CEMIP2: variants seen among roughly 807,000 people sequenced by gnomAD.
CEMIP2 encodes the protein cell surface hyaluronidase CEMIP2.
In CEMIP2, 79 loss-of-function variants were observed where a neutral mutation model predicts 146.9. That is an observed-to-expected ratio of 0.54 (90% CI 0.45 to 0.65). The LOEUF (loss-of-function observed/expected upper bound fraction) is 0.65, where lower values mean the gene tolerates loss of function less well. CEMIP2 is among the 30% of genes least tolerant of loss of function. CEMIP2 has a pLI of 0.00. For missense variants in CEMIP2, 1,596 were observed against 1,696.2 expected, an observed-to-expected ratio of 0.94 and a Z score of 1.04; for synonymous variants, 601 against 606.3, an observed-to-expected ratio of 0.99 and a Z score of 0.13.
chr9:71,698,612 T>C (rs1267483869), intron 19 of CEMIP2, among the ~76,000 whole-genome samples: 1 of 152,116 alleles, frequency 6.6e-6, no homozygotes, highest in Non-Finnish European at 1.5e-5. Context: ...TCATTTTGGT[T>C]AAGGCATAAA....
At chr9:71,699,061 C>T (rs1228690248) in intron 19 of CEMIP2, 3 of 152,812 alleles carry the variant, frequency 2.0e-5, no homozygotes, top group South Asian at 2.0e-4. Context: ...AGGCAAAACC[C>T]GCAATTCGCA....
At chr9:71,725,037 C>CGTTGCACATACCTGTATGT (rs371730062) in intron 11 of CEMIP2, among the ~76,000 whole-genome samples, 8,290 of 152,136 alleles carry the variant, frequency 0.054, 330 homozygotes, top group Non-Finnish European at 0.078. Context: ...TACCTGTATG[C>CGTTGCACATACCTGTATGT]GCAATAGGTA....
intron 16 of CEMIP2, among the ~76,000 whole-genome samples, chr9:71,711,590 CAAAGAAAAAAAAAAAGA>C (rs1251706474): frequency 3.5e-5 from 5 of 142,738 alleles, no homozygotes; most frequent in African/African-American, 1.3e-4. Context: ...GACCCTGCCT[CAAAGAAAAAAAAAAAGA>C]AAAGAAAAAA....
intron 21 of CEMIP2, among the ~76,000 whole-genome samples, chr9:71,693,923 G>A (rs1450030250): frequency 7.2e-5 from 11 of 152,144 alleles, no homozygotes; most frequent in Admixed American, 7.2e-4. Context: ...CCATGAATGG[G>A]ATCAGTGCTG....
chr9:71,700,946 T>G (rs1822541957), intron 18 of CEMIP2, 122 bp from the exon 19 acceptor site: 1 of 903,672 alleles, frequency 1.1e-6, no homozygotes. Context: ...CATAGTTTTC[T>G]CCTCCTTAAA....
At chr9:71,750,510 C>T (rs1007902817) in intron 1 of CEMIP2, 125 bp from the exon 2 acceptor site, 15 of 694,406 alleles carry the variant, frequency 2.2e-5, no homozygotes, top group East Asian at 5.9e-5. Context: ...GGCATGATCT[C>T]GGCTCACCGC....
rs1338012962 is a variant in CEMIP2 at position 71,730,057 on chromosome 9, G to A, written c.1970C>T (p.Thr657Ile). The change falls in exon 9 of 24, where the codon ACT (threonine) becomes ATT (isoleucine). Residue 657 changes from threonine (T) to isoleucine (I), a missense_variant. Transcript: ENST00000377044. Reference protein sequence around the residue: ...VFGNYIPVPATDCMAVSTFWI... With the variant: ...VFGNYIPVPAIDCMAVSTFWI... ...TCCGCCAATTACTCACATACAGTCA[G>A]TAGCAGGCACAGGAATGTAATTTCC... 1 of 1,614,166 alleles carries A rather than the reference G, an allele frequency of 6.2e-7. No homozygotes were observed. Among genetic ancestry groups the A allele is most frequent in the Non-Finnish European group, 8.5e-7 (1 of 1,180,040 alleles).
rs559238628 is a variant in CEMIP2 at position 71,765,161 on chromosome 9, T to G, written c.-13+3196A>C. Among the ~76,000 whole-genome samples the G allele has an allele frequency of 2.6e-5, 4 of 152,264 alleles. No homozygotes were observed. The East Asian group carries it at 7.7e-4, about 29-fold the overall frequency. ...GCCTGGACAAGAGAGCAATACCATA[T>G]GACAGTAACTAGCTTAAAAGTCTAA... is the stretch of plus-strand genomic sequence containing the variant. On this transcript the variant is annotated intron_variant, in intron 1 of 23. Transcript: ENST00000377044.
In CEMIP2 at chr9:71,694,492, C is replaced by T; in HGVS notation, c.3696+17G>A. On this transcript the variant is annotated intron_variant, in intron 21 of 23. Coordinates refer to ENST00000377044, the MANE Select transcript of CEMIP2 (RefSeq NM_013390.3). The stretch of plus-strand genomic sequence containing the variant: ...TACCACCTAGAACAGACTAAGACAA[C>T]ACCAGATGGTACTTACAGAAATAAC... 1 of 1,591,988 alleles carries T rather than the reference C, an allele frequency of 6.3e-7. No individual in the cohort carries two copies. Among genetic ancestry groups the T allele is most frequent in the South Asian group, 1.1e-5 (1 of 90,432 alleles).
At chr9:71,739,957 T>A (rs1823866752) in intron 5 of CEMIP2, 106 bp downstream of exon 5, 27 of 1,090,566 alleles carry the variant, frequency 2.5e-5, no homozygotes, top group Non-Finnish European at 3.2e-5. Context: ...AGTTGAGAAA[T>A]CTAACCAGGC....
intron 4 of CEMIP2, among the ~76,000 whole-genome samples, chr9:71,743,336 G>T (rs1280326226): frequency 6.6e-6 from 1 of 152,140 alleles, no homozygotes; most frequent in African/African-American, 2.4e-5. Flanking sequence ...TCTTGACCTG[G>T]GTGGTGGCTA....
At position 71,730,132 on chromosome 9, in the gene CEMIP2, G is replaced by C; in HGVS notation, c.1895C>G (p.Pro632Arg). The change falls in exon 9 of 24, where the codon CCC (proline) becomes CGC (arginine). Residue 632 changes from proline (P) to arginine (R), a missense_variant. Coordinates refer to ENST00000377044, the MANE Select transcript of CEMIP2 (RefSeq NM_013390.3). ...GLLTKPGTLL[P>R]TDRNNSMCTT... ...ACACATGGAGTTGTTCCTATCGGTGGGCAGGAGAGTACCCGGCTTGGTGAG... is the reference window on the plus strand; with the variant it reads ...ACACATGGAGTTGTTCCTATCGGTGCGCAGGAGAGTACCCGGCTTGGTGAG... 1 of 1,614,060 alleles carries C rather than the reference G, an allele frequency of 6.2e-7. No homozygotes were observed. Among genetic ancestry groups the C allele is most frequent in the Non-Finnish European group, 8.5e-7 (1 of 1,180,024 alleles).
intron 1 of CEMIP2, among the ~76,000 whole-genome samples, chr9:71,759,829 G>A (rs1197390046): frequency 3.8e-5 from 3 of 79,566 alleles, no homozygotes; most frequent in Non-Finnish European, 7.6e-5. Flanking sequence ...ACGGGGAGGT[G>A]GGGGGGGGAT....
intron 17 of CEMIP2, among the ~76,000 whole-genome samples, chr9:71,706,825 TTTA>T (rs150394190): frequency 6.6e-6 from 1 of 151,458 alleles, no homozygotes; most frequent in South Asian, 2.1e-4. Flanking sequence ...TATTTATTTA[TTTA>T]TTATTATTAT....
chr9:71,704,874 C>T, intron 17 of CEMIP2, 71 bp from the exon 18 acceptor site: 1 of 1,446,994 alleles, frequency 6.9e-7, no homozygotes, highest in Non-Finnish European at 9.6e-7. Flanking sequence ...ATTTTCAGCA[C>T]AAAGTCAAGT....
At chr9:71,697,322 T>G (rs532857240) in intron 20 of CEMIP2, among the ~76,000 whole-genome samples, 1 of 152,222 alleles carries the variant, frequency 6.6e-6, no homozygotes, top group Non-Finnish European at 1.5e-5. Context: ...CCTTTGGAAC[T>G]CCTTCTGTAT....
At chr9:71,763,627 T>G (rs1474425630) in intron 1 of CEMIP2, among the ~76,000 whole-genome samples, 1 of 152,240 alleles carries the variant, frequency 6.6e-6, no homozygotes, top group East Asian at 1.9e-4. Context: ...CAAACTACAA[T>G]GGACCCTTGA....
chr9:71,756,364 GTTA>G (rs1824452369), intron 1 of CEMIP2, among the ~76,000 whole-genome samples: 1 of 150,546 alleles, frequency 6.6e-6, no homozygotes, highest in Non-Finnish European at 1.5e-5. Context: ...CATACATGTA[GTTA>G]TTGAGGAGGA....
At chr9:71,736,992 G>A (rs1823778074) in intron 5 of CEMIP2, among the ~76,000 whole-genome samples, 1 of 151,320 alleles carries the variant, frequency 6.6e-6, no homozygotes, top group Non-Finnish European at 1.5e-5. Flanking sequence ...AACATAGTGG[G>A]ACTTCATCTC....
Sources: allele counts gnomAD v4.1 joint callset (sites outside exome capture counted in the v4.1 genomes callset), GRCh38; gene constraint gnomAD v4.1.1; transcripts MANE v1.5; gene names NCBI Gene and HGNC (gene_info 2026-07-23, HGNC 2026-07-21).